The following ARHGEF11 variants were observed in gnomAD, a reference collection of about 807,000 sequenced individuals.
ARHGEF11 encodes the protein Rho guanine nucleotide exchange factor 11.
Under a neutral mutation model 193.7 loss-of-function variants are expected in ARHGEF11, and 55 were observed. The ratio of observed to expected loss-of-function variants is 0.28; its 90% CI spans 0.23 to 0.36. ARHGEF11 has a LOEUF of 0.36. ARHGEF11 is among the 10% of genes least tolerant of loss of function. The pLI, the probability that ARHGEF11 is intolerant of heterozygous loss-of-function variation, is 1.00. For missense variants in ARHGEF11, 1,723 were observed against 2,005.6 expected, an observed-to-expected ratio of 0.86 and a Z score of 2.69; for synonymous variants, 693 against 768.0, an observed-to-expected ratio of 0.90 and a Z score of 1.62.
intron 15 of ARHGEF11, among the ~76,000 whole-genome samples, 182 bp downstream of exon 15, chr1:156,960,236 T>A (rs963491260): frequency 5.3e-5 from 8 of 152,218 alleles, no homozygotes; most frequent in Admixed American, 1.3e-4. Context: ...TCTGTCCCAT[T>A]TGCACCTGTC....
chr1:156,937,931 C>T (rs1011266288), intron 38 of ARHGEF11, among the ~76,000 whole-genome samples: 14 of 152,294 alleles, frequency 9.2e-5, no homozygotes, highest in African/African-American at 3.1e-4. Context: ...ATGCCACGAT[C>T]CTCTGGAGGT....
chr1:156,940,072 C>A, intron 36 of ARHGEF11, 135 bp downstream of exon 36: 1 of 1,399,894 alleles, frequency 7.1e-7, no homozygotes, highest in Non-Finnish European at 9.6e-7. Context: ...GGAATGACAT[C>A]TGTCTCCGCA....
intron 1 of ARHGEF11, among the ~76,000 whole-genome samples, chr1:156,994,929 C>T (rs932458999): frequency 6.6e-6 from 1 of 152,196 alleles, no homozygotes; most frequent in Non-Finnish European, 1.5e-5. Context: ...AATCAATCTC[C>T]CCAGCCCTGC....
At chr1:156,997,696 C>T (rs992366908) in intron 1 of ARHGEF11, among the ~76,000 whole-genome samples, 1 of 151,438 alleles carries the variant, frequency 6.6e-6, no homozygotes, top group African/African-American at 2.4e-5. Context: ...ATGTGGCTGG[C>T]TCAAATTGAA....
chr1:157,032,997 G>C (rs1671479953), intron 1 of ARHGEF11, among the ~76,000 whole-genome samples: 1 of 151,846 alleles, frequency 6.6e-6, no homozygotes, highest in Non-Finnish European at 1.5e-5. Flanking sequence ...TGCCTCTCAG[G>C]GTTCTGTGCA....
upstream of ARHGEF11, among the ~76,000 whole-genome samples, chr1:157,046,858 A>G (rs1673359872): frequency 6.6e-6 from 1 of 150,592 alleles, no homozygotes; most frequent in Non-Finnish European, 1.5e-5. Context: ...CTAAAAATAC[A>G]AAACTAGCCG....
Position 156,947,304 on chromosome 1 carries a change from T to C in ARHGEF11, c.2488A>G (p.Asn830Asp), listed in dbSNP as rs754476931. ...GTCTGGAGGGGCACAGGCTCCTTAC[T>C]GTGAATCTCTATGAGTTCAGGCAGG... ...PNLPELIEIH[N>D]SWCEAMKKLR... Residue 830 changes from asparagine (N) to aspartate (D), a missense_variant and splice_region_variant, in exon 26 of 41, where the codon AAT (asparagine) becomes GAT (aspartate). Physicochemically the swap from Asn to Asp is conservative, Grantham distance 23. Transcript: ENST00000368194. 1 of 1,602,508 alleles carries C rather than the reference T, an allele frequency of 6.2e-7. No individual in the cohort carries two copies. Among genetic ancestry groups the C allele is most frequent in the Non-Finnish European group, 8.5e-7 (1 of 1,175,972 alleles).
chr1:156,969,495 T>C (rs752380339), intron 9 of ARHGEF11, 137 bp from the exon 10 acceptor site: 7 of 765,080 alleles, frequency 9.1e-6, no homozygotes, highest in African/African-American at 5.2e-5. Context: ...TTCAGCTCTC[T>C]CATCCCATGA....
At chr1:156,995,631 C>T (rs1666370543) in intron 1 of ARHGEF11, among the ~76,000 whole-genome samples, 3 of 150,826 alleles carry the variant, frequency 2.0e-5, no homozygotes, top group Admixed American at 2.0e-4. Flanking sequence ...TCACGGCTCA[C>T]TGCAGCCTCG....
chr1:156,954,525 A>G (rs1039308104), intron 21 of ARHGEF11, among the ~76,000 whole-genome samples: 10 of 151,952 alleles, frequency 6.6e-5, no homozygotes, highest in Admixed American at 6.5e-4. Flanking sequence ...ATGTGACTGA[A>G]TTATAGAGAA....
intron 1 of ARHGEF11, among the ~76,000 whole-genome samples, chr1:157,002,934 G>C (rs984925661): frequency 6.6e-6 from 1 of 152,080 alleles, no homozygotes; most frequent in Admixed American, 6.5e-5. Context: ...CATAAAATGG[G>C]GATAATAATA....
At chr1:156,940,717 G>C (rs1376143095) in intron 35 of ARHGEF11, among the ~76,000 whole-genome samples, 1 of 152,184 alleles carries the variant, frequency 6.6e-6, no homozygotes, top group Non-Finnish European at 1.5e-5. Context: ...CCGGAAAGAA[G>C]AAAACAACAA....
intron 21 of ARHGEF11, among the ~76,000 whole-genome samples, chr1:156,954,415 A>C (rs1266509763): frequency 7.6e-6 from 1 of 131,948 alleles, no homozygotes; most frequent in African/African-American, 2.9e-5. Flanking sequence ...AAAAAAAAAA[A>C]AAATCTGAGG....
Position 156,944,999 on chromosome 1 carries a change from C to T in ARHGEF11, c.2991+20G>A, listed in dbSNP as rs1258962866. 6.2e-7 allele frequency: 1 copy of T among 1,610,058 alleles called. No individual in the cohort carries two copies. Among genetic ancestry groups the T allele is most frequent in the South Asian group, 1.1e-5 (1 of 90,868 alleles). ...CCCACAAAGTGTGAGGGGTTGACTG[C>T]TGCAGCCTCTGCCTCCTACCTTGAA... On this transcript the variant is annotated intron_variant, in intron 30 of 40. Coordinates refer to ENST00000368194, the MANE Select transcript of ARHGEF11 (RefSeq NM_198236.3).
intron 18 of ARHGEF11, among the ~76,000 whole-genome samples, chr1:156,956,964 A>G (rs894643529): frequency 5.9e-5 from 9 of 152,172 alleles, no homozygotes; most frequent in African/African-American, 2.2e-4. Flanking sequence ...ACTCTCAGGC[A>G]TATGTGCAGG....
At chr1:156,960,271 G>A in intron 15 of ARHGEF11, 147 bp downstream of exon 15, 2 of 730,616 alleles carry the variant, frequency 2.7e-6, no homozygotes, top group South Asian at 1.7e-5. Flanking sequence ...CAGTGTTCTG[G>A]AGCAATCATC....
At chr1:156,990,499 A>C (rs1665552091) in intron 1 of ARHGEF11, among the ~76,000 whole-genome samples, 3 of 152,212 alleles carry the variant, frequency 2.0e-5, no homozygotes, top group Admixed American at 2.0e-4. Flanking sequence ...TTTACTATCC[A>C]TAGATGATTC....
rs750410114 is a variant in ARHGEF11 at position 156,947,818 on chromosome 1, C to G, written c.2292G>C (p.Val764=). ...TCTCCCGCTGGGTTAGCCCAGCCAC[C>G]ACATCCTTGCCCACTGTATGCTGCC... ...QNWQHTVGKD[V]VAGLTQREID... Residue 764 remains valine, a synonymous_variant, in exon 25 of 41, where the codon GTG becomes GTC. Coordinates refer to ENST00000368194, the MANE Select transcript of ARHGEF11 (RefSeq NM_198236.3). 1.9e-6 allele frequency: 3 copies of G among 1,613,910 alleles called. No individual in the cohort carries two copies. Among genetic ancestry groups the G allele is most frequent in the Non-Finnish European group, 2.5e-6 (3 of 1,179,988 alleles).
chr1:156,940,114 C>G, intron 36 of ARHGEF11, 93 bp downstream of exon 36: 3 of 1,450,852 alleles, frequency 2.1e-6, no homozygotes, highest in Non-Finnish European at 2.8e-6. Context: ...CAGGAAGAGC[C>G]TTCGGGAAGG....
Sources: allele counts gnomAD v4.1 joint callset (sites outside exome capture counted in the v4.1 genomes callset), GRCh38; gene constraint gnomAD v4.1.1; transcripts MANE v1.5; gene names NCBI Gene and HGNC (gene_info 2026-07-23, HGNC 2026-07-21).